The following AUTS2 variants were observed in gnomAD, a reference collection of about 807,000 sequenced individuals.
AUTS2 encodes the protein autism susceptibility gene 2 protein.
AUTS2 carries 17 observed loss-of-function variants against 112.4 expected under a neutral mutation model. The observed-to-expected ratio is 0.15, with a 90% confidence interval of 0.10 to 0.23. The LOEUF is 0.23. Among genes scored for constraint, AUTS2 ranks in the 10% least tolerant of loss-of-function variants. The pLI is 1.00. For missense variants in AUTS2, 1,510 were observed against 1,701.6 expected (o/e 0.89, Z 1.98); for synonymous variants, 751 against 702.7 (o/e 1.07, Z -1.09).
intron 2 of AUTS2, among the ~76,000 whole-genome samples, chr7:70,090,053 T>C (rs999947702): frequency 1.2e-4 from 18 of 150,622 alleles, no homozygotes; most frequent in African/African-American, 4.1e-4. Context: ...AATTTAAAAA[T>C]AATAATAAAA....
intron 1 of AUTS2, among the ~76,000 whole-genome samples, chr7:69,801,270 C>T (rs1345864054): frequency 6.7e-6 from 1 of 150,302 alleles, no homozygotes; most frequent in African/African-American, 2.5e-5. Context: ...CTAGATTTAG[C>T]TGCTAGGTTC....
At chr7:70,329,915 G>A (rs1000330843) in intron 4 of AUTS2, among the ~76,000 whole-genome samples, 6 of 152,006 alleles carry the variant, frequency 3.9e-5, no homozygotes, top group African/African-American at 7.2e-5. Flanking sequence ...TGGGGTGCTC[G>A]CTCTGTTTCA....
At chr7:69,691,119 G>C (rs540971658) in intron 1 of AUTS2, among the ~76,000 whole-genome samples, 2 of 152,192 alleles carry the variant, frequency 1.3e-5, no homozygotes, top group South Asian at 2.1e-4. Flanking sequence ...ACCTGAGTCC[G>C]AGGGTTTTTA....
chr7:70,784,772 A>AAC (rs1563197900), intron 15 of AUTS2, 170 bp from the exon 16 acceptor site: 9 of 149,830 alleles, frequency 6.0e-5, no homozygotes, highest in Admixed American at 3.6e-4. Context: ...AAAAAAAAAA[A>AAC]ACACACATTT....
At chr7:70,050,762 A>G (rs1351353661) in intron 2 of AUTS2, among the ~76,000 whole-genome samples, 8 of 152,182 alleles carry the variant, frequency 5.3e-5, no homozygotes, top group Admixed American at 5.2e-4. Context: ...TAGGAGGCCA[A>G]GACGAATGGA....
At chr7:69,691,448 C>A (rs1340145755) in intron 1 of AUTS2, among the ~76,000 whole-genome samples, 4 of 152,158 alleles carry the variant, frequency 2.6e-5, no homozygotes, top group African/African-American at 9.7e-5. Context: ...CCCTCCTGCA[C>A]CTGTTTGCAG....
At chr7:70,592,529 TTTTTGTATTTTTAGTAGATATGAGG>T (rs1236483046) in intron 5 of AUTS2, among the ~76,000 whole-genome samples, 1 of 152,002 alleles carries the variant, frequency 6.6e-6, no homozygotes, top group Non-Finnish European at 1.5e-5. Flanking sequence ...ACCCAGTTAA[TTTTTGTATTTTTAGTAGATATGAGG>T]TATCACCATG....
chr7:70,191,411 TC>T (rs978761055), intron 4 of AUTS2, among the ~76,000 whole-genome samples: 1 of 152,108 alleles, frequency 6.6e-6, no homozygotes, highest in Non-Finnish European at 1.5e-5. Context: ...GACCTCATGA[TC>T]CTCCCACCTT....
intron 4 of AUTS2, among the ~76,000 whole-genome samples, chr7:70,375,985 G>A (rs1793066741): frequency 6.6e-6 from 1 of 151,468 alleles, no homozygotes; most frequent in South Asian, 2.1e-4. Context: ...GAAAGTGGGA[G>A]GTGAGAACGG....
chr7:70,763,454 A>T, intron 7 of AUTS2, 113 bp downstream of exon 7: 1 of 753,650 alleles, frequency 1.3e-6, no homozygotes, highest in South Asian at 2.0e-5. Flanking sequence ...TGGAAACATC[A>T]TCCTTTTCTC....
At chr7:69,843,804 G>T (rs1792081153) in intron 1 of AUTS2, among the ~76,000 whole-genome samples, 1 of 152,126 alleles carries the variant, frequency 6.6e-6, no homozygotes, top group African/African-American at 2.4e-5. Flanking sequence ...GTCCATTTTA[G>T]AGAAGAGGAA....
intron 4 of AUTS2, among the ~76,000 whole-genome samples, chr7:70,310,368 T>C (rs1789685776): frequency 6.6e-6 from 1 of 152,092 alleles, no homozygotes; most frequent in Non-Finnish European, 1.5e-5. Context: ...CCCAGCACTT[T>C]GGGAGGCCAA....
intron 1 of AUTS2, among the ~76,000 whole-genome samples, chr7:69,679,157 T>C (rs768802985): frequency 1.3e-5 from 2 of 152,232 alleles, no homozygotes; most frequent in Non-Finnish European, 2.9e-5. Flanking sequence ...AGATTGTGAC[T>C]GGCCAAGGCC....
At chr7:70,662,798 C>T (rs951163572) in intron 5 of AUTS2, among the ~76,000 whole-genome samples, 2 of 152,164 alleles carry the variant, frequency 1.3e-5, no homozygotes, top group African/African-American at 4.8e-5. Context: ...GAGTTAGGCA[C>T]AGGGCATGGT....
chr7:70,192,287 A>G (rs1165116441), intron 4 of AUTS2, among the ~76,000 whole-genome samples: 2 of 152,110 alleles, frequency 1.3e-5, no homozygotes, highest in Non-Finnish European at 2.9e-5. Flanking sequence ...TTTTGCCACC[A>G]CAGGGGGAAA....
intron 4 of AUTS2, among the ~76,000 whole-genome samples, chr7:70,403,574 T>C (rs1212432387): frequency 6.6e-6 from 1 of 152,220 alleles, no homozygotes; most frequent in East Asian, 1.9e-4. Context: ...CCTCAAGGAC[T>C]CCTGACCTCT....
intron 4 of AUTS2, among the ~76,000 whole-genome samples, chr7:70,234,558 T>C (rs942196633): frequency 1.3e-5 from 2 of 152,220 alleles, no homozygotes; most frequent in Admixed American, 1.3e-4. Flanking sequence ...ATTTTTATCC[T>C]TGGTTTACAG....
chr7:70,411,552 C>T (rs1204360932), intron 4 of AUTS2, among the ~76,000 whole-genome samples: 1 of 152,042 alleles, frequency 6.6e-6, no homozygotes, highest in Non-Finnish European at 1.5e-5. Context: ...GATGTTGAAG[C>T]TTGCCTGGTC....
At chr7:70,343,492 C>CTT (rs1230129143) in intron 4 of AUTS2, among the ~76,000 whole-genome samples, 4 of 152,220 alleles carry the variant, frequency 2.6e-5, no homozygotes, top group Non-Finnish European at 5.9e-5. Context: ...AAGACACTAT[C>CTT]TATCCCACTG....
Sources: gnomAD v4.1 joint callset for allele counts (sites outside exome capture counted in the v4.1 genomes callset) on GRCh38, gnomAD v4.1.1 for gene constraint, MANE v1.5 for transcripts, NCBI Gene and HGNC (gene_info 2026-07-23, HGNC 2026-07-21) for gene names.